SCEL: variants seen among roughly 807,000 people sequenced by gnomAD.
SCEL encodes sciellin.
In SCEL, 113 loss-of-function variants were observed where a neutral mutation model predicts 117.6. The ratio of observed to expected loss-of-function variants is 0.96; its 90% CI spans 0.83 to 1.12. The LOEUF is 1.12. Ranked by LOEUF, SCEL falls within the 50% of genes most tolerant of loss-of-function variation. SCEL has a pLI of 0.00. For synonymous variants in SCEL, 270 were observed against 256.2 expected, an observed-to-expected ratio of 1.05 and a Z score of -0.51; for missense variants, 785 against 810.8, an observed-to-expected ratio of 0.97 and a Z score of 0.39.
intron 24 of SCEL, 25 bp from the exon 25 acceptor site, chr13:77,617,574 G>T (rs1266846035): frequency 1.4e-6 from 2 of 1,409,688 alleles, no homozygotes. Context: ...AACCCAAGTT[G>T]CTTTAATATT....
intron 28 of SCEL, among the ~76,000 whole-genome samples, chr13:77,633,372 C>T (rs1257576248): frequency 2.2e-5 from 3 of 138,704 alleles, no homozygotes; most frequent in African/African-American, 8.1e-5. Flanking sequence ...GGAAGCGGAG[C>T]TTGCAGTGAG....
chr13:77,643,957 C>T (rs374430313), intron 32 of SCEL, among the ~76,000 whole-genome samples: 2 of 152,034 alleles, frequency 1.3e-5, no homozygotes, highest in African/African-American at 4.8e-5. Flanking sequence ...GGTGTGATTA[C>T]CAAAAGACTC....
intron 1 of SCEL, 60 bp from the exon 2 acceptor site, chr13:77,555,797 G>C: frequency 9.2e-7 from 1 of 1,082,352 alleles, no homozygotes; most frequent in South Asian, 1.3e-5. Flanking sequence ...TCATGAAACA[G>C]TCACTTACAG....
chr13:77,621,530 C>T (rs17068078), intron 27 of SCEL, among the ~76,000 whole-genome samples: 3,706 of 152,302 alleles, frequency 0.024, 157 homozygotes, highest in East Asian at 0.13. Context: ...GCTGTCTTTT[C>T]TGGCCCATAA....
intron 9 of SCEL, among the ~76,000 whole-genome samples, chr13:77,572,661 G>A (rs1236447639): frequency 6.6e-6 from 1 of 152,192 alleles, no homozygotes; most frequent in Non-Finnish European, 1.5e-5. Flanking sequence ...CCTGATCGCT[G>A]CCTTCATCTT....
At chr13:77,600,253 C>G (rs987609760) in intron 15 of SCEL, among the ~76,000 whole-genome samples, 1 of 152,004 alleles carries the variant, frequency 6.6e-6, no homozygotes, top group African/African-American at 2.4e-5. Context: ...CCCAGCCTTC[C>G]GAGTAGCTGG....
chr13:77,564,276 A>G (rs926983385), intron 5 of SCEL, among the ~76,000 whole-genome samples: 3 of 150,902 alleles, frequency 2.0e-5, no homozygotes, highest in Non-Finnish European at 2.9e-5. Flanking sequence ...ACGTTAGTCC[A>G]TGCAACTGCT....
chr13:77,599,636 C>A (rs1441814600), intron 14 of SCEL, 53 bp from the exon 15 acceptor site: 8 of 1,309,852 alleles, frequency 6.1e-6, no homozygotes, highest in Non-Finnish European at 8.9e-6. Flanking sequence ...CAAGATACCA[C>A]ACAATTTCAT....
chr13:77,628,912 G>T (rs1037878777), intron 28 of SCEL, among the ~76,000 whole-genome samples: 4 of 152,074 alleles, frequency 2.6e-5, no homozygotes, highest in African/African-American at 7.2e-5. Context: ...GAGAATGAGG[G>T]AGGATAAATT....
intron 9 of SCEL, 78 bp downstream of exon 9, chr13:77,572,267 G>A: frequency 8.7e-7 from 1 of 1,142,866 alleles, no homozygotes; most frequent in Middle Eastern, 2.0e-4. Flanking sequence ...ATATAATTGT[G>A]GATGTTTTGG....
intron 24 of SCEL, among the ~76,000 whole-genome samples, chr13:77,616,867 T>C (rs976599281): frequency 6.6e-6 from 1 of 152,070 alleles, no homozygotes; most frequent in Admixed American, 6.6e-5. Flanking sequence ...TTGTCAGTTC[T>C]GCAGTCTCTT....
chr13:77,541,018 G>A (rs928801189), intron 1 of SCEL, among the ~76,000 whole-genome samples: 1 of 152,190 alleles, frequency 6.6e-6, no homozygotes, highest in African/African-American at 2.4e-5. Context: ...AGGTCAGAAA[G>A]AAGATTGATG....
intron 1 of SCEL, among the ~76,000 whole-genome samples, chr13:77,542,240 A>C (rs947238114): frequency 1.3e-5 from 2 of 152,180 alleles, no homozygotes; most frequent in African/African-American, 4.8e-5. Context: ...GTCTCTACTA[A>C]AAATACAAAA....
At chr13:77,555,320 T>G (rs1381292989) in intron 1 of SCEL, among the ~76,000 whole-genome samples, 1 of 152,174 alleles carries the variant, frequency 6.6e-6, no homozygotes, top group Non-Finnish European at 1.5e-5. Context: ...ATCACCAGTG[T>G]TTCTCCAAGT....
At chr13:77,557,563 C>G (rs1299346289) in intron 3 of SCEL, among the ~76,000 whole-genome samples, 3 of 152,186 alleles carry the variant, frequency 2.0e-5, no homozygotes, top group African/African-American at 7.2e-5. Flanking sequence ...AGTAACTTGT[C>G]TAATGGCACA....
rs367629517 is a variant in SCEL, at chr13:77,603,846, G to A, written c.1098-510G>A. ...TAAAAGGGTTTGGGCTAGGTAGATA[G>A]CTGAGTTTATATGAAAGCATACGTT... On this transcript the variant is annotated intron_variant, in intron 18 of 32. Coordinates refer to ENST00000349847, the MANE Select transcript of SCEL (RefSeq NM_144777.3). 4.6e-4 allele frequency among the ~76,000 whole-genome samples: 70 copies of A among 152,284 alleles called. 1 individual carries two copies. In the South Asian group the frequency reaches 0.014, roughly 30 times the overall value.
chr13:77,561,519 G>C (rs1248540232), intron 4 of SCEL, among the ~76,000 whole-genome samples: 1 of 152,156 alleles, frequency 6.6e-6, no homozygotes, highest in Non-Finnish European at 1.5e-5. Flanking sequence ...TACTTGCTCA[G>C]AGGGTATCAC....
In SCEL at chr13:77,572,166, C is replaced by T. The variant is rs678047; in HGVS notation, c.522C>T (p.Ser174=). The T allele has an allele frequency of 1, 1,609,063 of 1,612,104 alleles. 803,047 individuals carry two copies. Among genetic ancestry groups the T allele is most frequent in the East Asian group, 1 (44,776 of 44,778 alleles). The change falls in exon 9 of 33, where the codon TCC becomes TCT. Residue 174 remains serine (S), a synonymous_variant. Coordinates refer to ENST00000349847, the MANE Select transcript of SCEL (RefSeq NM_144777.3). ...FPPPPPGYNA[S]SSTGTRRREP... ...CGCCCCCTCCAGGTTACAATGCCTC[C>T]TCGAGCACAGGAACCAGGAGACGGT...
At chr13:77,550,647 T>C (rs2084265624) in intron 1 of SCEL, among the ~76,000 whole-genome samples, 1 of 152,084 alleles carries the variant, frequency 6.6e-6, no homozygotes. Flanking sequence ...GCTTCTTTCA[T>C]TTAACTTAAT....
Sources: gnomAD v4.1 joint callset for allele counts (sites outside exome capture counted in the v4.1 genomes callset) on GRCh38, gnomAD v4.1.1 for gene constraint, MANE v1.5 for transcripts, NCBI Gene and HGNC (gene_info 2026-07-23, HGNC 2026-07-21) for gene names.